Variants in CNTN6 observed in about 807,000 individuals in gnomAD.
CNTN6 encodes the protein contactin-6.
CNTN6 carries 137 observed loss-of-function variants against 122.8 expected under a neutral mutation model. The observed-to-expected ratio is 1.12, with a 90% CI of 0.97 to 1.29. The LOEUF (loss-of-function observed/expected upper bound fraction) is 1.29, where lower values mean the gene tolerates loss of function less well. Ranked by LOEUF, CNTN6 falls within the 50% of genes most tolerant of loss-of-function variation. CNTN6 has a pLI of 0.00. For synonymous variants in CNTN6, 570 were observed against 426.0 expected (o/e 1.34, Z -4.16); for missense variants, 1,634 against 1,223.4 (o/e 1.34, Z -5.01).
chr3:1,146,222 A>G (rs1052072202), intron 1 of CNTN6, among the ~76,000 whole-genome samples: 3 of 152,108 alleles, frequency 2.0e-5, no homozygotes, highest in Non-Finnish European at 4.4e-5. Context: ...CATATGCATT[A>G]ACATGACCTA....
chr3:1,207,385 A>C (rs1398448960), intron 2 of CNTN6, among the ~76,000 whole-genome samples: 2 of 152,178 alleles, frequency 1.3e-5, no homozygotes, highest in Non-Finnish European at 2.9e-5. Flanking sequence ...CTTTGGTCCC[A>C]GCCACCATTA....
At chr3:1,398,066 T>A (rs548255992) in intron 20 of CNTN6, among the ~76,000 whole-genome samples, 113 of 152,290 alleles carry the variant, frequency 7.4e-4, no homozygotes, top group African/African-American at 2.6e-3. Context: ...GGAAAGATTT[T>A]AAAAGTTAGA....
chr3:1,159,037 A>G (rs1575065160), intron 2 of CNTN6, among the ~76,000 whole-genome samples: 1 of 149,526 alleles, frequency 6.7e-6, no homozygotes, highest in Admixed American at 6.7e-5. Context: ...CCTTTTGCTT[A>G]AGACTCCCAA....
chr3:1,317,357 T>G (rs772310521), intron 7 of CNTN6, among the ~76,000 whole-genome samples: 14 of 151,816 alleles, frequency 9.2e-5, no homozygotes, highest in Admixed American at 2.6e-4. Flanking sequence ...GCATTTGAAC[T>G]GAGGCATTCA....
At chr3:1,276,318 T>C (rs1405878973) in intron 4 of CNTN6, among the ~76,000 whole-genome samples, 1 of 152,218 alleles carries the variant, frequency 6.6e-6, no homozygotes, top group Non-Finnish European at 1.5e-5. Flanking sequence ...TTAAAGAACA[T>C]GACACTAAGA....
intron 1 of CNTN6, among the ~76,000 whole-genome samples, chr3:1,140,535 T>C (rs1192767200): frequency 6.6e-6 from 1 of 152,208 alleles, no homozygotes; most frequent in East Asian, 1.9e-4. Context: ...CTATTATCTA[T>C]ATAGTTTCTT....
chr3:1,345,277 C>T (rs1014068747), intron 11 of CNTN6, among the ~76,000 whole-genome samples: 5 of 151,896 alleles, frequency 3.3e-5, no homozygotes, highest in Non-Finnish European at 5.9e-5. Flanking sequence ...CCACCATACC[C>T]GCTAATTTTT....
At chr3:1,205,745 G>C (rs1325541903) in intron 2 of CNTN6, among the ~76,000 whole-genome samples, 1 of 152,184 alleles carries the variant, frequency 6.6e-6, no homozygotes, top group Admixed American at 6.5e-5. Context: ...GTTGCAACTT[G>C]TTCAAAGAAG....
chr3:1,171,514 C>T (rs1485029155), intron 2 of CNTN6, among the ~76,000 whole-genome samples: 4 of 152,150 alleles, frequency 2.6e-5, no homozygotes, highest in African/African-American at 9.7e-5. Context: ...CTTATAAATG[C>T]CACTTGTGCC....
chr3:1,209,514 G>A (rs3772349), intron 2 of CNTN6, among the ~76,000 whole-genome samples: 62,335 of 152,000 alleles, frequency 0.41, 13,103 homozygotes, highest in African/African-American at 0.5. Flanking sequence ...TTTCAAGTAT[G>A]GCTTGAATCT....
chr3:1,325,935 A>G lies in CNTN6; in HGVS notation c.1067A>G (p.Glu356Gly). 6.2e-7 allele frequency: 1 copy of G among 1,611,118 alleles called. No individual in the cohort carries two copies. Among genetic ancestry groups the G allele is most frequent in the Non-Finnish European group, 8.5e-7 (1 of 1,178,332 alleles). Residue 356 changes from glutamate (E) to glycine (G), a missense_variant, in exon 9 of 23, where the codon GAA (glutamate) becomes GGA (glycine). Glu to Gly is a moderately conservative substitution (Grantham distance 98). Coordinates refer to ENST00000446702, the MANE Select transcript of CNTN6 (RefSeq NM_001289080.2). ...TGGTATACATGGTTAAAAAATGGTG[A>G]ACGACTCAACCCAGAGGTAAGCAAC... ...NPWYTWLKNG[E>G]RLNPEERIQI...
chr3:1,300,495 A>AAGG, intron 7 of CNTN6, among the ~76,000 whole-genome samples: 2 of 114,048 alleles, frequency 1.8e-5, no homozygotes, highest in African/African-American at 6.5e-5. Flanking sequence ...AAGGAAGGAA[A>AAGG]AAGAAAAGAA....
In CNTN6 at chr3:1,253,836, G is replaced by A. The variant is rs968143691; in HGVS notation, c.359-24577G>A. ...TTCTAACTGTCTATGGCCCAGCACTGCAGCCCAGTGGTTGGGGACTGCTGA... is the reference window on the plus strand; with the variant it reads ...TTCTAACTGTCTATGGCCCAGCACTACAGCCCAGTGGTTGGGGACTGCTGA... On this transcript the variant is annotated intron_variant, in intron 4 of 22. Coordinates refer to ENST00000446702, the MANE Select transcript of CNTN6 (RefSeq NM_001289080.2). 3.9e-5 allele frequency among the ~76,000 whole-genome samples: 6 copies of A among 152,114 alleles called. No individual in the cohort carries two copies. In the East Asian group the frequency reaches 9.6e-4, roughly 24 times the overall value.
chr3:1,403,350 C>G lies in CNTN6; in HGVS notation c.3019C>G (p.Pro1007Ala). Residue 1007 changes from proline to alanine, a missense_variant, in exon 23 of 23, where the codon CCT becomes GCT. Transcript: ENST00000446702. ...TTCCAGAGGAATTCAATTCTTAGAA[C>G]CTAGCACCCATTTTCTTTCCATTGT... ...LSSRGIQFLE[P>A]STHFLSIVIV... 1 of 1,610,796 alleles carries G rather than the reference C, an allele frequency of 6.2e-7. No individual in the cohort carries two copies. Among genetic ancestry groups the G allele is most frequent in the Non-Finnish European group, 8.5e-7 (1 of 1,178,336 alleles).
intron 12 of CNTN6, 118 bp from the exon 13 acceptor site, chr3:1,372,181 G>T (rs530226225): frequency 1.6e-6 from 1 of 642,770 alleles, no homozygotes; most frequent in South Asian, 2.9e-5. Flanking sequence ...GGACATTGTA[G>T]AACTCCAGGT....
At chr3:1,182,759 C>T (rs1335941959) in intron 2 of CNTN6, among the ~76,000 whole-genome samples, 1 of 151,958 alleles carries the variant, frequency 6.6e-6, no homozygotes, top group Non-Finnish European at 1.5e-5. Context: ...TCAGTTCCAG[C>T]TATAAAAGTG....
intron 7 of CNTN6, among the ~76,000 whole-genome samples, chr3:1,305,633 C>A (rs1049728623): frequency 6.6e-6 from 1 of 152,176 alleles, no homozygotes; most frequent in Non-Finnish European, 1.5e-5. Flanking sequence ...TAACTCTATT[C>A]TACTGCTTTT....
At chr3:1,321,604 A>C (rs544765822) in intron 7 of CNTN6, 46 bp from the exon 8 acceptor site, 2 of 1,490,530 alleles carry the variant, frequency 1.3e-6, no homozygotes, top group Non-Finnish European at 1.8e-6. Context: ...TTTTGCTGTC[A>C]TAAAGATTAA....
At chr3:1,204,471 C>G (rs1373747755) in intron 2 of CNTN6, among the ~76,000 whole-genome samples, 1 of 152,156 alleles carries the variant, frequency 6.6e-6, no homozygotes, top group Middle Eastern at 3.2e-3. Flanking sequence ...ATAGGCTTGT[C>G]TCTTTCATCT....
Sources: allele counts gnomAD v4.1 joint callset (sites outside exome capture counted in the v4.1 genomes callset), GRCh38; gene constraint gnomAD v4.1.1; transcripts MANE v1.5; gene names NCBI Gene and HGNC (gene_info 2026-07-23, HGNC 2026-07-21).